The following EBF2 variants were observed in gnomAD, a reference collection of about 807,000 sequenced individuals.
EBF2 encodes transcription factor COE2.
A neutral mutation model predicts 72.8 loss-of-function variants in EBF2; 21 were observed. That is an observed-to-expected ratio of 0.29 (90% CI 0.20 to 0.42). The LOEUF (loss-of-function observed/expected upper bound fraction) is 0.42, where lower values mean the gene tolerates loss of function less well. EBF2 is among the 10% of genes least tolerant of loss of function. The pLI, the probability that EBF2 is intolerant of heterozygous loss-of-function variation, is 1.00. For synonymous variants in EBF2, 299 were observed against 274.2 expected, an observed-to-expected ratio of 1.09 and a Z score of -0.89; for missense variants, 637 against 731.2, an observed-to-expected ratio of 0.87 and a Z score of 1.49.
chr8:25,873,862 G>A (rs748237438), intron 10 of EBF2, among the ~76,000 whole-genome samples: 39 of 152,114 alleles, frequency 2.6e-4, no homozygotes, highest in African/African-American at 6.0e-4. Context: ...TATTATAGCC[G>A]AGTGTGCCAA....
intron 9 of EBF2, among the ~76,000 whole-genome samples, chr8:25,887,614 A>G (rs965873981): frequency 1.3e-5 from 2 of 152,084 alleles, no homozygotes; most frequent in African/African-American, 4.8e-5. Flanking sequence ...GAATTTTTTC[A>G]AAACATTTTT....
chr8:25,870,471 C>A (rs1802417038), intron 10 of EBF2, among the ~76,000 whole-genome samples: 1 of 152,122 alleles, frequency 6.6e-6, no homozygotes, highest in African/African-American at 2.4e-5. Context: ...CTGCCTCTCC[C>A]AAGAGCATTT....
In EBF2 at chr8:25,865,993, C is replaced by A. The variant is rs182936349; in HGVS notation, c.1010-3196G>T. On this transcript the variant is annotated intron_variant, in intron 10 of 15. Coordinates refer to ENST00000520164, the MANE Select transcript of EBF2 (RefSeq NM_022659.4). ...TGAGCCAAGATCACGCCGCTGCACC[C>A]CAGCCTGGGTGACAGAGCAAGACTC... Among the ~76,000 whole-genome samples the A allele has an allele frequency of 4.4e-4, 67 of 151,802 alleles. No homozygotes were observed. The East Asian group carries it at 0.012, about 28-fold the overall frequency.
chr8:26,029,618 G>C, intron 6 of EBF2, among the ~76,000 whole-genome samples: 1 of 152,172 alleles, frequency 6.6e-6, no homozygotes, highest in East Asian at 1.9e-4. Flanking sequence ...GAGTGTGCCT[G>C]TTGTGTGAGA....
chr8:25,942,394 C>T lies in EBF2; in HGVS notation c.552-33839G>A, dbSNP rs181660268. Among the ~76,000 whole-genome samples the T allele has an allele frequency of 8.1e-3, 1,234 of 152,342 alleles. 7 individuals are homozygous for T. The highest frequency in any genetic ancestry group is 0.013 in the Non-Finnish European group (886 of 68,034). On this transcript the variant is annotated intron_variant, in intron 6 of 15. Coordinates refer to ENST00000520164, the MANE Select transcript of EBF2 (RefSeq NM_022659.4). Reference sequence around the variant, plus strand: ...AGAGAAAGTCTTCAGGCTGCAGAGTCCTGGAACTACATTGTTTTCCTTCTC... The same window carrying T: ...AGAGAAAGTCTTCAGGCTGCAGAGTTCTGGAACTACATTGTTTTCCTTCTC...
Position 25,889,873 on chromosome 8 carries a change from C to A in EBF2, c.634-4G>T, listed in dbSNP as rs777136208. 1 of 1,612,296 alleles carries A rather than the reference C, an allele frequency of 6.2e-7. No individual in the cohort carries two copies. Among genetic ancestry groups the A allele is most frequent in the Non-Finnish European group, 8.5e-7 (1 of 1,178,570 alleles). On this transcript the variant is annotated splice_polypyrimidine_tract_variant and splice_region_variant and intron_variant, in intron 7 of 15. Transcript: ENST00000520164. ...TCACCGTTGTTGACAACACAACCTGCATATTTAAAGTAAAAAGGAGAAAGG... is the reference window on the plus strand; with the variant it reads ...TCACCGTTGTTGACAACACAACCTGAATATTTAAAGTAAAAAGGAGAAAGG...
intron 10 of EBF2, among the ~76,000 whole-genome samples, chr8:25,864,851 G>A (rs1303750898): frequency 2.0e-5 from 3 of 149,162 alleles, no homozygotes; most frequent in Non-Finnish European, 3.0e-5. Context: ...AGGCTGGAGT[G>A]CAGTGGTGCA....
chr8:26,006,807 AT>A (rs1227411062), intron 6 of EBF2, among the ~76,000 whole-genome samples: 1 of 152,184 alleles, frequency 6.6e-6, no homozygotes, highest in Non-Finnish European at 1.5e-5. Context: ...AACCACTGCA[AT>A]TTCTTTTCCC....
At chr8:25,966,974 C>A (rs993072790) in intron 6 of EBF2, among the ~76,000 whole-genome samples, 1 of 152,174 alleles carries the variant, frequency 6.6e-6, no homozygotes, top group Non-Finnish European at 1.5e-5. Flanking sequence ...ATCCTAGAGC[C>A]AATGTCAACA....
At chr8:25,870,343 G>A (rs778160128) in intron 10 of EBF2, among the ~76,000 whole-genome samples, 24 of 151,702 alleles carry the variant, frequency 1.6e-4, no homozygotes, top group African/African-American at 3.4e-4. Context: ...CACTCACAAC[G>A]TGCTAAATAC....
At chr8:25,983,665 C>T (rs1804400169) in intron 6 of EBF2, among the ~76,000 whole-genome samples, 1 of 152,192 alleles carries the variant, frequency 6.6e-6, no homozygotes, top group African/African-American at 2.4e-5. Flanking sequence ...CCAGCCGGCC[C>T]CAGCTTCCTC....
At chr8:25,873,993 G>A (rs1563384384) in intron 10 of EBF2, among the ~76,000 whole-genome samples, 5 of 152,188 alleles carry the variant, frequency 3.3e-5, no homozygotes. Context: ...AGAGGTGGGA[G>A]TGGAGACAAC....
intron 7 of EBF2, among the ~76,000 whole-genome samples, chr8:25,893,510 T>G (rs766893357): frequency 5.3e-5 from 8 of 152,046 alleles, no homozygotes; most frequent in Non-Finnish European, 1.0e-4. Context: ...GCTTCTTACC[T>G]TAAGTGATCC....
chr8:25,986,192 T>C (rs759673189), intron 6 of EBF2, among the ~76,000 whole-genome samples: 10 of 152,062 alleles, frequency 6.6e-5, no homozygotes, highest in Non-Finnish European at 1.5e-4. Flanking sequence ...AACAGTTGTC[T>C]CTGACTGCTG....
chr8:25,906,675 G>C (rs940645558), intron 7 of EBF2, among the ~76,000 whole-genome samples: 6 of 152,136 alleles, frequency 3.9e-5, no homozygotes, highest in Non-Finnish European at 7.4e-5. Flanking sequence ...GGTGAGGCAG[G>C]AGAATTGCTT....
rs941094495 is a variant in EBF2, at chr8:26,044,606, G to T, written c.131+123C>A. On this transcript the variant is annotated intron_variant, in intron 1 of 15. Coordinates refer to ENST00000520164, the MANE Select transcript of EBF2 (RefSeq NM_022659.4). The surrounding 1 kb of genome is among the most constrained non-coding windows in gnomAD (Gnocchi z 4.1). The stretch of plus-strand genomic sequence containing the variant: ...CCGAGGGCGAGCCCCAGCGCGCAGG[G>T]CCTGGGCGACAGATGGGGGGACAGG... The T allele has an allele frequency of 1.3e-5, 19 of 1,413,366 alleles. No individual in the cohort carries two copies. Among genetic ancestry groups the T allele is most frequent in the Non-Finnish European group, 1.4e-5 (15 of 1,042,024 alleles). The allele number at this position is 1,413,366 out of a possible 1,614,324, so 87.6% of individuals were successfully genotyped here.
chr8:25,935,974 G>A (rs1434739884), intron 6 of EBF2, among the ~76,000 whole-genome samples: 1 of 152,228 alleles, frequency 6.6e-6, no homozygotes, highest in East Asian at 1.9e-4. Context: ...GGCTGTGGAA[G>A]GGTGGTAACG....
intron 6 of EBF2, among the ~76,000 whole-genome samples, chr8:25,980,328 T>C (rs1804338890): frequency 6.6e-6 from 1 of 152,192 alleles, no homozygotes; most frequent in Non-Finnish European, 1.5e-5. Flanking sequence ...CTGTTGAGGC[T>C]GCTGCTTTAA....
intron 6 of EBF2, among the ~76,000 whole-genome samples, chr8:25,910,041 G>A (rs1803101433): frequency 6.6e-6 from 1 of 152,124 alleles, no homozygotes; most frequent in African/African-American, 2.4e-5. Flanking sequence ...AGAGACCTGC[G>A]GAAGGATAAG....
Sources: allele counts gnomAD v4.1 joint callset (sites outside exome capture counted in the v4.1 genomes callset), GRCh38; gene constraint gnomAD v4.1.1; non-coding constraint Gnocchi (gnomAD v3.1); transcripts MANE v1.5; gene names NCBI Gene and HGNC (gene_info 2026-07-23, HGNC 2026-07-21).